The following DOCK3 variants were observed in gnomAD, a reference collection of about 807,000 sequenced individuals.
DOCK3 encodes the protein dedicator of cytokinesis protein 3.
A neutral mutation model predicts 265.6 loss-of-function variants in DOCK3; 60 were observed. The ratio of observed to expected loss-of-function variants is 0.23; its 90% CI spans 0.18 to 0.28. The LOEUF is 0.28. DOCK3 is among the 10% of genes least tolerant of loss of function. The pLI is 1.00. For synonymous variants in DOCK3, 881 were observed against 938.0 expected (o/e 0.94, Z 1.11); for missense variants, 1,981 against 2,594.3 (o/e 0.76, Z 5.14).
At chr3:51,085,432 C>G (rs2082384545) in intron 7 of DOCK3, among the ~76,000 whole-genome samples, 1 of 152,170 alleles carries the variant, frequency 6.6e-6, no homozygotes, top group Non-Finnish European at 1.5e-5. Flanking sequence ...ACAAACAAGT[C>G]TCAACAAATT....
intron 25 of DOCK3, among the ~76,000 whole-genome samples, chr3:51,275,737 G>T (rs2080783697): frequency 6.6e-6 from 1 of 152,074 alleles, no homozygotes; most frequent in African/African-American, 2.4e-5. Flanking sequence ...TAGGGGTCGG[G>T]TTTCAACTGA....
At chr3:50,788,843 C>T (rs924520379) in intron 2 of DOCK3, among the ~76,000 whole-genome samples, 13 of 152,208 alleles carry the variant, frequency 8.5e-5, no homozygotes, top group African/African-American at 2.7e-4. Context: ...GGGAGGGAGG[C>T]GAGTGGCTGC....
chr3:50,794,321 G>A (rs2042650267), intron 2 of DOCK3, among the ~76,000 whole-genome samples: 2 of 152,152 alleles, frequency 1.3e-5, no homozygotes, highest in African/African-American at 4.8e-5. Context: ...ATTGAATACT[G>A]TCAGTGGCAT....
At chr3:50,809,098 G>T (rs142856128) in intron 2 of DOCK3, among the ~76,000 whole-genome samples, 1 of 152,294 alleles carries the variant, frequency 6.6e-6, no homozygotes, top group South Asian at 2.1e-4. Flanking sequence ...GAAAAGATTG[G>T]TAAGTTATAC....
intron 49 of DOCK3, among the ~76,000 whole-genome samples, chr3:51,367,893 A>G (rs2087350421): frequency 6.6e-6 from 1 of 152,152 alleles, no homozygotes; most frequent in Non-Finnish European, 1.5e-5. Flanking sequence ...TTTGTGGGTA[A>G]CCTGACCTTT....
chr3:51,325,347 CA>C (rs2084031334), intron 32 of DOCK3, among the ~76,000 whole-genome samples: 1 of 152,096 alleles, frequency 6.6e-6, no homozygotes, highest in Non-Finnish European at 1.5e-5. Flanking sequence ...AAATGCAAAT[CA>C]AAACCGCGAT....
At chr3:50,900,263 G>A (rs1221962614) in intron 4 of DOCK3, among the ~76,000 whole-genome samples, 3 of 151,870 alleles carry the variant, frequency 2.0e-5, no homozygotes, top group Non-Finnish European at 4.4e-5. Flanking sequence ...CCACTTGATC[G>A]GTTCGGCTAT....
At chr3:51,219,123 A>T (rs1260291790) in intron 14 of DOCK3, among the ~76,000 whole-genome samples, 2 of 151,902 alleles carry the variant, frequency 1.3e-5, no homozygotes, top group Admixed American at 6.6e-5. Context: ...TCAGAAACAC[A>T]CTCTGTCCTT....
chr3:51,339,105 C>A, intron 37 of DOCK3, 77 bp downstream of exon 37: 1 of 1,284,256 alleles, frequency 7.8e-7, no homozygotes, highest in Non-Finnish European at 1.1e-6. Flanking sequence ...CAGAGAAAGG[C>A]TTCAGGCTGG....
At position 51,248,763 on chromosome 3, in the gene DOCK3, G is replaced by A. The variant is rs1322102014; in HGVS notation, c.2184+1956G>A. Among the ~76,000 whole-genome samples the A allele has an allele frequency of 4.1e-4, 62 of 151,222 alleles. 1 individual carries two copies. Among genetic ancestry groups the A allele is most frequent in the Non-Finnish European group, 7.5e-4 (51 of 67,770 alleles). On this transcript the variant is annotated intron_variant, in intron 22 of 52. Coordinates refer to ENST00000266037, the MANE Select transcript of DOCK3 (RefSeq NM_004947.5). ...AGGAAGTGAGGAGCGCCTCTTCCCG[G>A]CCGCCATCACATCTAGGAAGTGAGG... is the stretch of plus-strand genomic sequence containing the variant.
chr3:51,180,405 C>T lies in DOCK3; in HGVS notation c.1037+19703C>T, dbSNP rs760149727. ...TCTCACAGTTTTGGAAGCCAGAAGT[C>T]TGAAATCAAGATGTCAGCACAACTG... On this transcript the variant is annotated intron_variant, in intron 12 of 52. Transcript: ENST00000266037. Among the ~76,000 whole-genome samples the T allele has an allele frequency of 2.1e-3, 317 of 152,246 alleles. 3 individuals are homozygous for T. The highest frequency in any genetic ancestry group is 3.5e-3 in the Non-Finnish European group (240 of 68,010).
At chr3:51,183,546 A>G (rs2087423266) in intron 12 of DOCK3, among the ~76,000 whole-genome samples, 2 of 152,226 alleles carry the variant, frequency 1.3e-5, no homozygotes, top group Admixed American at 6.5e-5. Context: ...CTAGATTTCT[A>G]AAATTCCTTT....
chr3:50,783,713 C>T (rs1275358515), intron 2 of DOCK3, among the ~76,000 whole-genome samples: 1 of 152,014 alleles, frequency 6.6e-6, no homozygotes, highest in Non-Finnish European at 1.5e-5. Flanking sequence ...AAGTAAGTCC[C>T]ATCCATTTAT....
intron 3 of DOCK3, chr3:50,877,675 C>CTTTTCT: frequency 2.7e-6 from 1 of 366,796 alleles, no homozygotes; most frequent in East Asian, 7.9e-5. Context: ...CTTTTCTTTT[C>CTTTTCT]TTTTCTTTTT....
intron 5 of DOCK3, among the ~76,000 whole-genome samples, chr3:50,983,774 G>A (rs2077790271): frequency 6.6e-6 from 1 of 152,164 alleles, no homozygotes; most frequent in Non-Finnish European, 1.5e-5. Flanking sequence ...GGCTAAAAGA[G>A]CTATAACACA....
Position 50,778,767 on chromosome 3 carries a change from G to T in DOCK3, c.121+9G>T. ...TCTTGAAAAATGTGAAGGTGAGTAT[G>T]GACCTACAAAGCACATAAATTGTGA... On this transcript the variant is annotated intron_variant, in intron 2 of 52. Coordinates refer to ENST00000266037, the MANE Select transcript of DOCK3 (RefSeq NM_004947.5). The T allele has an allele frequency of 6.4e-7, 1 of 1,552,320 alleles. No individual in the cohort carries two copies.
At chr3:50,774,383 GTC>G (rs2041465721) in intron 1 of DOCK3, among the ~76,000 whole-genome samples, 1 of 151,862 alleles carries the variant, frequency 6.6e-6, no homozygotes, top group Admixed American at 6.6e-5. Context: ...GGCTTTTAAT[GTC>G]TCTAATATTT....
At chr3:51,267,265 C>G (rs1195850387) in intron 23 of DOCK3, among the ~76,000 whole-genome samples, 5 of 152,238 alleles carry the variant, frequency 3.3e-5, no homozygotes, top group Admixed American at 3.3e-4. Flanking sequence ...TGTGGTGATT[C>G]CTCAAGGATC....
At chr3:50,882,569 C>A (rs937152571) in intron 3 of DOCK3, among the ~76,000 whole-genome samples, 3 of 152,046 alleles carry the variant, frequency 2.0e-5, no homozygotes, top group Non-Finnish European at 4.4e-5. Context: ...ACAATGAGAT[C>A]CCATCACACA....
Sources: gnomAD v4.1 joint callset for allele counts (sites outside exome capture counted in the v4.1 genomes callset) on GRCh38, gnomAD v4.1.1 for gene constraint, MANE v1.5 for transcripts, NCBI Gene and HGNC (gene_info 2026-07-23, HGNC 2026-07-21) for gene names.